RBPMS: variants seen among roughly 807,000 people sequenced by gnomAD.
RBPMS encodes RNA-binding protein with multiple splicing.
Under a neutral mutation model 26.8 loss-of-function variants are expected in RBPMS, and 7 were observed. The ratio of observed to expected loss-of-function variants is 0.26; its 90% CI spans 0.15 to 0.49. The LOEUF (loss-of-function observed/expected upper bound fraction) is 0.49. Among genes scored for constraint, RBPMS ranks in the 20% least tolerant of loss-of-function variants. The probability of loss-of-function intolerance (pLI) is 0.98; values close to 1 mark genes in which losing one functional copy is unlikely to be tolerated. For missense variants in RBPMS, 186 were observed against 250.0 expected (o/e 0.74, Z 1.73); for synonymous variants, 96 against 93.3 (o/e 1.03, Z -0.17).
chr8:30,528,254 G>T (rs1489716027), intron 5 of RBPMS, among the ~76,000 whole-genome samples: 1 of 151,992 alleles, frequency 6.6e-6, no homozygotes, highest in Non-Finnish European at 1.5e-5. Flanking sequence ...ATGTCACATT[G>T]CTTTCGGAGA....
intron 6 of RBPMS, among the ~76,000 whole-genome samples, chr8:30,550,521 G>A (rs891708943): frequency 4.6e-5 from 7 of 152,210 alleles, no homozygotes; most frequent in South Asian, 2.1e-4. Flanking sequence ...CCACAAGGCC[G>A]TGACAGTTAA....
chr8:30,481,581 G>T (rs540874883), intron 4 of RBPMS, among the ~76,000 whole-genome samples: 2 of 151,634 alleles, frequency 1.3e-5, no homozygotes, highest in East Asian at 3.9e-4. Context: ...CCTTTCTTTA[G>T]CACTGTCCTC....
chr8:30,570,329 C>T (rs550311692), intron 8 of RBPMS, among the ~76,000 whole-genome samples: 10 of 152,246 alleles, frequency 6.6e-5, no homozygotes, highest in African/African-American at 2.2e-4. Flanking sequence ...ACTTCTCAAA[C>T]GTGTGTGACA....
At chr8:30,416,434 C>T (rs575747409) in intron 1 of RBPMS, among the ~76,000 whole-genome samples, 2 of 151,200 alleles carry the variant, frequency 1.3e-5, no homozygotes, top group South Asian at 2.1e-4. Context: ...CGGGTTCAAG[C>T]CATTATTATG....
intron 7 of RBPMS, among the ~76,000 whole-genome samples, chr8:30,563,865 GCTATCACA>G (rs1232320283): frequency 6.6e-6 from 1 of 152,186 alleles, no homozygotes; most frequent in Non-Finnish European, 1.5e-5. Flanking sequence ...TCCATGTCAT[GCTATCACA>G]CTGCGGTGCA....
At chr8:30,419,540 T>A (rs1276186114) in intron 1 of RBPMS, among the ~76,000 whole-genome samples, 9 of 151,576 alleles carry the variant, frequency 5.9e-5, no homozygotes, top group Admixed American at 3.3e-4. Context: ...TGCCCCACAA[T>A]CTGAAGCTTT....
At chr8:30,510,309 AATGG>A (rs1821454523) in intron 5 of RBPMS, among the ~76,000 whole-genome samples, 1 of 152,104 alleles carries the variant, frequency 6.6e-6, no homozygotes, top group Non-Finnish European at 1.5e-5. Flanking sequence ...GCCTTTATTT[AATGG>A]ATGGGAAGAA....
chr8:30,547,301 C>T (rs754816373), intron 6 of RBPMS: 1 of 1,604,354 alleles, frequency 6.2e-7, no homozygotes, highest in Non-Finnish European at 8.5e-7. Context: ...GTGTTTCTCT[C>T]CTGAGGCAAA....
intron 1 of RBPMS, among the ~76,000 whole-genome samples, chr8:30,432,286 A>T (rs1261366879): frequency 2.0e-5 from 3 of 152,216 alleles, no homozygotes; most frequent in Non-Finnish European, 4.4e-5. Flanking sequence ...CCATTGTCTG[A>T]TGAGATGCTC....
At chr8:30,472,892 A>G (rs1028689609) in intron 1 of RBPMS, among the ~76,000 whole-genome samples, 2 of 152,166 alleles carry the variant, frequency 1.3e-5, no homozygotes, top group Non-Finnish European at 2.9e-5. Context: ...CCTGGGCAAC[A>G]TGGTGAAACC....
intron 1 of RBPMS, among the ~76,000 whole-genome samples, chr8:30,435,954 G>C (rs185710279): frequency 6.6e-6 from 1 of 152,232 alleles, no homozygotes; most frequent in Admixed American, 6.5e-5. Context: ...TTACAGTTGT[G>C]AGCCACTGTG....
intron 6 of RBPMS, chr8:30,556,154 A>G (rs1826886141): frequency 1.0e-6 from 1 of 985,390 alleles, no homozygotes; most frequent in Non-Finnish European, 1.2e-6. Flanking sequence ...CACAAGAGCA[A>G]TGAATTCAGG....
At chr8:30,440,974 C>T (rs1334513328) in intron 1 of RBPMS, among the ~76,000 whole-genome samples, 1 of 151,438 alleles carries the variant, frequency 6.6e-6, no homozygotes, top group East Asian at 1.9e-4. Context: ...CCCCGCCCCC[C>T]TCCAGCTAGT....
intron 5 of RBPMS, among the ~76,000 whole-genome samples, chr8:30,538,946 G>A (rs1825099482): frequency 6.6e-6 from 1 of 152,146 alleles, no homozygotes; most frequent in Admixed American, 6.5e-5. Flanking sequence ...ACGGGAGCTG[G>A]CGTGGGCTAC....
At chr8:30,446,264 A>G (rs563298997) in intron 1 of RBPMS, among the ~76,000 whole-genome samples, 1 of 152,266 alleles carries the variant, frequency 6.6e-6, no homozygotes, top group African/African-American at 2.4e-5. Flanking sequence ...CATGTAATAC[A>G]CTTTATTTTT....
chr8:30,433,275 A>G (rs986196483), intron 1 of RBPMS, among the ~76,000 whole-genome samples: 28 of 152,224 alleles, frequency 1.8e-4, no homozygotes, highest in African/African-American at 6.8e-4. Context: ...TACTCTTTCA[A>G]TGGCCACTTA....
Position 30,474,899 on chromosome 8 carries a change from G to A in RBPMS, c.144+43G>A, listed in dbSNP as rs763121434. The A allele has an allele frequency of 8.7e-6, 11 of 1,266,692 alleles. No individual in the cohort carries two copies. In the Admixed American group the frequency reaches 9.0e-5, roughly 10 times the overall value. The allele number at this position is 1,266,692 out of a possible 1,614,324, so 78.5% of individuals were successfully genotyped here. On this transcript the variant is annotated intron_variant, in intron 2 of 8. Coordinates refer to ENST00000397323, the MANE Select transcript of RBPMS (RefSeq NM_001008710.3). ...TCAGAAATTATAAAATGAGACAAAAGTCTGTATGCTTTCTGGGAGCTTTTT... is the reference window on the plus strand; with the variant it reads ...TCAGAAATTATAAAATGAGACAAAAATCTGTATGCTTTCTGGGAGCTTTTT...
chr8:30,469,866 G>GT (rs917613632), intron 1 of RBPMS, among the ~76,000 whole-genome samples: 7 of 152,004 alleles, frequency 4.6e-5, no homozygotes, highest in South Asian at 2.1e-4. Flanking sequence ...TACTCTTGGG[G>GT]TTTTTTTAGT....
At chr8:30,450,754 A>G (rs1023025354) in intron 1 of RBPMS, among the ~76,000 whole-genome samples, 4 of 121,326 alleles carry the variant, frequency 3.3e-5, no homozygotes, top group Non-Finnish European at 6.5e-5. Context: ...TGACCAGTTT[A>G]TTTGTGGCTT....
Sources: gnomAD v4.1 joint callset for allele counts (sites outside exome capture counted in the v4.1 genomes callset) on GRCh38, gnomAD v4.1.1 for gene constraint, MANE v1.5 for transcripts, NCBI Gene and HGNC (gene_info 2026-07-23, HGNC 2026-07-21) for gene names.